Variants in SLC30A6 observed in about 807,000 individuals in gnomAD.
SLC30A6 encodes solute carrier family 30 member 6.
Under a neutral mutation model 63.0 loss-of-function variants are expected in SLC30A6, and 55 were observed. The observed-to-expected ratio is 0.87, with a 90% CI of 0.70 to 1.09. The LOEUF is 1.09. Ranked by LOEUF, SLC30A6 falls within the 50% of genes least tolerant of loss-of-function variation. SLC30A6 has a pLI of 0.00. For missense variants in SLC30A6, 587 were observed against 549.2 expected, an observed-to-expected ratio of 1.07 and a Z score of -0.69; for synonymous variants, 224 against 186.1, an observed-to-expected ratio of 1.20 and a Z score of -1.66.
chr2:32,174,192 A>G lies in SLC30A6; in HGVS notation c.175+45A>G, dbSNP rs368551411. On this transcript the variant is annotated intron_variant, in intron 3 of 13. Coordinates refer to ENST00000282587, the MANE Select transcript of SLC30A6 (RefSeq NM_017964.5). ...TTATGGAGTTGTTATTTTTACTTTT[A>G]TTTTTCTCATTGGAAATAAAGGTAT... 5 of 1,406,054 alleles carry G rather than the reference A, an allele frequency of 3.6e-6. 1 individual carries two copies. The African/African-American group carries it at 5.7e-5, about 16-fold the overall frequency. 87.1% of individuals were successfully genotyped at this position (1,406,054 alleles called of 1,614,324 possible).
intron 8 of SLC30A6, among the ~76,000 whole-genome samples, chr2:32,195,985 G>T (rs1292790858): frequency 2.0e-5 from 3 of 152,046 alleles, no homozygotes; most frequent in African/African-American, 7.2e-5. Flanking sequence ...AGGAGTTTGA[G>T]TTCAGCCTGG....
intron 5 of SLC30A6, 106 bp downstream of exon 5, chr2:32,184,444 G>A (rs1005979933): frequency 3.8e-5 from 21 of 546,596 alleles, no homozygotes; most frequent in African/African-American, 7.9e-5. Context: ...TAAATGCTGC[G>A]TACTTAGTGA....
intron 4 of SLC30A6, among the ~76,000 whole-genome samples, chr2:32,183,267 A>G (rs1261289488): frequency 6.6e-6 from 1 of 152,068 alleles, no homozygotes; most frequent in African/African-American, 2.4e-5. Context: ...GAATTGAGGA[A>G]TTGTGAGCTA....
intron 13 of SLC30A6, among the ~76,000 whole-genome samples, chr2:32,218,512 G>T (rs185913437): frequency 2.8e-3 from 406 of 147,154 alleles, no homozygotes; most frequent in Middle Eastern, 6.8e-3. Flanking sequence ...GCCTGGCTCA[G>T]CTCTCCTCTT....
At position 32,220,264 on chromosome 2, in the gene SLC30A6, C is replaced by T. The variant is rs757482477; in HGVS notation, c.937C>T (p.Leu313Phe). The T allele has an allele frequency of 6.2e-7, 1 of 1,614,150 alleles. No individual in the cohort carries two copies. The highest frequency in any genetic ancestry group is 8.5e-7 in the Non-Finnish European group (1 of 1,180,004). The stretch of plus-strand genomic sequence containing the variant: ...ACGAGATGCCAATGAACAAATGGTT[C>T]TTGCTCATGTGACCAACAGGCTGTA... Reference protein sequence around the residue: ...IRRDANEQMVLAHVTNRLYTL... With the variant: ...IRRDANEQMVFAHVTNRLYTL... Residue 313 changes from leucine to phenylalanine, a missense_variant, in exon 14 of 14, where the codon CTT becomes TTT. By Grantham distance (22) the Leu-to-Phe change is conservative (BLOSUM62 0). Coordinates refer to ENST00000282587, the MANE Select transcript of SLC30A6 (RefSeq NM_017964.5).
At chr2:32,176,929 C>T (rs1430962225) in intron 4 of SLC30A6, among the ~76,000 whole-genome samples, 2 of 151,544 alleles carry the variant, frequency 1.3e-5, no homozygotes, top group Non-Finnish European at 2.9e-5. Context: ...TGCACCACCA[C>T]GCCTGGCAAA....
chr2:32,169,227 G>C (rs1289486290), intron 1 of SLC30A6, among the ~76,000 whole-genome samples: 1 of 152,106 alleles, frequency 6.6e-6, no homozygotes, highest in South Asian at 2.1e-4. Flanking sequence ...CCAGGCTTGA[G>C]TAAAGTGTGA....
intron 5 of SLC30A6, among the ~76,000 whole-genome samples, chr2:32,186,443 C>T (rs373006746): frequency 8.5e-5 from 13 of 152,146 alleles, no homozygotes; most frequent in African/African-American, 2.2e-4. Context: ...CCCGGGACTT[C>T]GGGAGGCCAA....
intron 1 of SLC30A6, among the ~76,000 whole-genome samples, chr2:32,167,073 C>T (rs1441295897): frequency 6.6e-6 from 1 of 151,836 alleles, no homozygotes; most frequent in Non-Finnish European, 1.5e-5. Flanking sequence ...TTTACAGCCT[C>T]TTTTTTTGTT....
chr2:32,193,033 T>A lies in SLC30A6; in HGVS notation c.401+80T>A, dbSNP rs878867136. The A allele has an allele frequency of 7.7e-5, 69 of 892,432 alleles. 2 individuals carry two copies. The South Asian group carries it at 1.2e-3, about 16-fold the overall frequency. The allele number at this position is 892,432 out of a possible 1,614,324, so 55.3% of individuals were successfully genotyped here. A position where few individuals can be genotyped will look rare whatever the true frequency, so the allele number is the denominator to read the frequency against. On this transcript the variant is annotated intron_variant, in intron 7 of 13. Coordinates refer to ENST00000282587, the MANE Select transcript of SLC30A6 (RefSeq NM_017964.5). ...TGTATTATTAAACAGTTGGCCAATGTCAGATTTCAGACTGTGGCAACATAA... is the reference window on the plus strand; with the variant it reads ...TGTATTATTAAACAGTTGGCCAATGACAGATTTCAGACTGTGGCAACATAA...
intron 13 of SLC30A6, 46 bp downstream of exon 13, chr2:32,209,607 C>A: frequency 1.4e-6 from 2 of 1,451,010 alleles, no homozygotes; most frequent in Non-Finnish European, 1.9e-6. Flanking sequence ...AAAATATAGT[C>A]TTCCATTTTT....
At chr2:32,188,088 T>G (rs1682998350) in intron 5 of SLC30A6, among the ~76,000 whole-genome samples, 1 of 152,210 alleles carries the variant, frequency 6.6e-6, no homozygotes, top group African/African-American at 2.4e-5. Flanking sequence ...CCTACTTTTC[T>G]TCAACTTAAT....
chr2:32,193,970 T>G lies in SLC30A6; in HGVS notation c.483T>G (p.Ala161=). 6.2e-7 allele frequency: 1 copy of G among 1,612,542 alleles called. No individual in the cohort carries two copies. Among genetic ancestry groups the G allele is most frequent in the Non-Finnish European group, 8.5e-7 (1 of 1,179,192 alleles). The change falls in exon 8 of 14, where the codon GCT becomes GCG. Residue 161 remains alanine, a synonymous_variant. Coordinates refer to ENST00000282587, the MANE Select transcript of SLC30A6 (RefSeq NM_017964.5). The stretch of plus-strand genomic sequence containing the variant: ...TTTCTATTCGGAATAAACCTTTTGC[T>G]TATGTCTCAGAAGGTATGTTTTTTA... ...TMLSIRNKPF[A]YVSEAASTSW... is the part of the protein sequence containing the mutation.
intron 1 of SLC30A6, among the ~76,000 whole-genome samples, chr2:32,167,661 C>T (rs1680805654): frequency 6.7e-6 from 1 of 149,540 alleles, no homozygotes; most frequent in Admixed American, 6.7e-5. Context: ...TTTATATGCA[C>T]AAACACACAC....
intron 5 of SLC30A6, chr2:32,187,371 GA>G (rs1307737454): frequency 2.5e-6 from 1 of 398,822 alleles, no homozygotes; most frequent in Non-Finnish European, 5.0e-6. Context: ...AAAATCATGA[GA>G]AAGAACTGTT....
chr2:32,187,553 C>T (rs972007352), intron 5 of SLC30A6, among the ~76,000 whole-genome samples: 1 of 152,112 alleles, frequency 6.6e-6, no homozygotes, highest in Non-Finnish European at 1.5e-5. Context: ...TATTTGCAAT[C>T]GATCACATAG....
chr2:32,191,503 G>A (rs983785196), intron 5 of SLC30A6, among the ~76,000 whole-genome samples: 1 of 151,998 alleles, frequency 6.6e-6, no homozygotes, highest in Admixed American at 6.6e-5. Context: ...ATGTGTTGCA[G>A]GAAAAACTAA....
At chr2:32,203,143 C>T (rs1038874703) in intron 10 of SLC30A6, 5 of 1,269,558 alleles carry the variant, frequency 3.9e-6, no homozygotes, top group Non-Finnish European at 4.6e-6. Context: ...ACCAACGTGG[C>T]TGCCTGTGGT....
chr2:32,209,537 T>C lies in SLC30A6; in HGVS notation c.861T>C (p.Phe287=). ...TTTTAGAAGTCCGAAATGAACATTTTTGGACCCTAGGTTTTGGCTCATTGG... is the reference window on the plus strand; with the variant it reads ...TTTTAGAAGTCCGAAATGAACATTTCTGGACCCTAGGTTTTGGCTCATTGG... The part of the protein sequence containing the change: ...DGVLEVRNEH[F]WTLGFGSLAG... Residue 287 remains phenylalanine (F), a synonymous_variant, in exon 13 of 14, where the codon TTT becomes TTC. Coordinates refer to ENST00000282587, the MANE Select transcript of SLC30A6 (RefSeq NM_017964.5). 9.3e-6 allele frequency: 15 copies of C among 1,613,160 alleles called. No individual in the cohort carries two copies. Among genetic ancestry groups the C allele is most frequent in the Non-Finnish European group, 1.3e-5 (15 of 1,179,772 alleles).
Sources: allele counts gnomAD v4.1 joint callset (sites outside exome capture counted in the v4.1 genomes callset), GRCh38; gene constraint gnomAD v4.1.1; transcripts MANE v1.5; gene names NCBI Gene and HGNC (gene_info 2026-07-23, HGNC 2026-07-21).